PHRF1: variants seen among roughly 807,000 people sequenced by gnomAD.
The protein encoded by PHRF1 is PHD and RING finger domain-containing protein 1.
Under a neutral mutation model 128.9 loss-of-function variants are expected in PHRF1, and 53 were observed. The ratio of observed to expected loss-of-function variants is 0.41; its 90% confidence interval spans 0.33 to 0.52. The LOEUF is 0.52. Among genes scored for constraint, PHRF1 ranks in the 20% least tolerant of loss-of-function variants. The pLI, the probability that PHRF1 is intolerant of heterozygous loss-of-function variation, is 0.21. For synonymous variants in PHRF1, 1,178 were observed against 980.6 expected (o/e 1.20, Z -3.76); for missense variants, 2,503 against 2,284.5 (o/e 1.10, Z -1.95).
rs369472188 is a variant in PHRF1, at chr11:606,415, G to A, written c.1455-27G>A. The stretch of plus-strand genomic sequence containing the variant: ...CCCTCAGGCCGTGGGAGGCAGTGAC[G>A]GCAGGGCCTTGGGTCTGTGCCCACA... On this transcript the variant is annotated intron_variant, in intron 12 of 17. Coordinates refer to ENST00000264555, the MANE Select transcript of PHRF1 (RefSeq NM_001286581.2). 5.8e-5 allele frequency: 89 copies of A among 1,526,064 alleles called. 1 individual carries two copies. The highest frequency in any genetic ancestry group is 2.3e-4 in the Middle Eastern group (1 of 4,348). The allele number at this position is 1,526,064 out of a possible 1,614,324, so 94.5% of individuals were successfully genotyped here.
intron 17 of PHRF1, 122 bp from the exon 18 acceptor site, chr11:611,512 C>T (rs562618156): frequency 2.4e-5 from 33 of 1,385,318 alleles, no homozygotes; most frequent in Middle Eastern, 1.8e-4. Context: ...CGTCTGTCTG[C>T]GTGCTGCACC....
intron 10 of PHRF1, 80 bp from the exon 11 acceptor site, chr11:605,039 G>C (rs370071655): frequency 7.2e-6 from 10 of 1,383,796 alleles, no homozygotes; most frequent in Admixed American, 4.6e-5. Context: ...GCTGATGAAG[G>C]CTTCACGTGG....
Position 598,516 on chromosome 11 carries a change from G to A in PHRF1, c.1024+14G>A. On this transcript the variant is annotated intron_variant, in intron 9 of 17. Coordinates refer to ENST00000264555, the MANE Select transcript of PHRF1 (RefSeq NM_001286581.2). ...AGAGGAAGACAAGTAAGCCTGAAGG[G>A]ATGGACTCTCCCGCCAGCCACAGGC... 1 of 1,603,190 alleles carries A rather than the reference G, an allele frequency of 6.2e-7. No individual in the cohort carries two copies. The highest frequency in any genetic ancestry group is 8.5e-7 in the Non-Finnish European group (1 of 1,177,194).
chr11:597,512 G>A lies in PHRF1; in HGVS notation c.836G>A (p.Ser279Asn). The change falls in exon 8 of 18, where the codon AGT becomes AAT. Residue 279 changes from serine (S) to asparagine (N), a missense_variant. Coordinates refer to ENST00000264555, the MANE Select transcript of PHRF1 (RefSeq NM_001286581.2). This position sits in a 1 kb window ranked among gnomAD's most constrained non-coding sequence, Gnocchi z 6.5. ...RTRAIARTRQ[S>N]ERVRATVNRN... ...CGGGCGATAGCCAGGACACGGCAGA[G>A]TGAGAGAGTGAGAGCAACCGTGAAC... 6.2e-7 allele frequency: 1 copy of A among 1,612,620 alleles called. No homozygotes were observed. The highest frequency in any genetic ancestry group is 8.5e-7 in the Non-Finnish European group (1 of 1,179,586).
intron 13 of PHRF1, 89 bp from the exon 14 acceptor site, chr11:606,977 A>T: frequency 1.3e-6 from 2 of 1,507,982 alleles, no homozygotes; most frequent in Non-Finnish European, 1.8e-6. Context: ...GCACGACCTC[A>T]CAGAAAACCA....
In PHRF1 at chr11:610,749, CAAG is replaced by C. The variant is rs1261007099; in HGVS notation, c.4669_4671del (p.Lys1557del). The C allele has an allele frequency of 4.4e-6, 7 of 1,601,188 alleles. No individual in the cohort carries two copies. Among genetic ancestry groups the C allele is most frequent in the African/African-American group, 1.3e-5 (1 of 74,942 alleles). ...CCCCCAGGCTAGCTGCGGAGAAAAC[CAAG>C]AAGGAGGAGGTGAGTCCTGCCTCCT... is the stretch of plus-strand genomic sequence containing the variant. On this transcript the variant is annotated inframe_deletion, in exon 16 of 18. Coordinates refer to ENST00000264555, the MANE Select transcript of PHRF1 (RefSeq NM_001286581.2).
At chr11:611,214 G>T (rs1056788242) in intron 17 of PHRF1, 132 bp downstream of exon 17, 3 of 1,420,176 alleles carry the variant, frequency 2.1e-6, no homozygotes, top group Admixed American at 2.4e-5. Context: ...GGGGTCAGGG[G>T]GCTGTATTGC....
rs745415934 is a variant in PHRF1, at chr11:606,550, T to G, written c.1563T>G (p.Ser521Arg). Residue 521 changes from serine to arginine, a missense_variant, in exon 13 of 18, where the codon AGT becomes AGG. Physicochemically the swap from Ser to Arg is moderately radical, Grantham distance 110. Transcript: ENST00000264555. Reference protein sequence around the residue: ...SGQSLLMLGSSDVIIHRDGSL... With the variant: ...SGQSLLMLGSRDVIIHRDGSL... ...AGAGCCTCCTGATGCTGGGCAGCAG[T>G]GATGTCATCATCCACCGCGACGGCT... The G allele has an allele frequency of 7.5e-6, 12 of 1,610,004 alleles. No homozygotes were observed. In the African/African-American group the frequency reaches 1.6e-4, roughly 21 times the overall value.
intron 13 of PHRF1, 71 bp from the exon 14 acceptor site, chr11:606,995 T>C: frequency 6.6e-7 from 1 of 1,513,482 alleles, no homozygotes; most frequent in Non-Finnish European, 8.8e-7. Context: ...CCAGTTGTGA[T>C]AAAAATTAAA....
intron 9 of PHRF1, among the ~76,000 whole-genome samples, chr11:598,851 G>A (rs184804132): frequency 2.0e-5 from 3 of 152,214 alleles, no homozygotes; most frequent in Non-Finnish European, 4.4e-5. Context: ...CTGGGCCTGG[G>A]CTTTTCTGTG....
chr11:582,156 C>G, intron 3 of PHRF1, 75 bp downstream of exon 3: 2 of 1,542,500 alleles, frequency 1.3e-6, no homozygotes, highest in African/African-American at 1.4e-5. Context: ...ATAACACATC[C>G]TCCGTGAGAG....
At chr11:609,744 C>A in intron 14 of PHRF1, 24 bp downstream of exon 14, 1 of 1,408,250 alleles carries the variant, frequency 7.1e-7, no homozygotes, top group Non-Finnish European at 9.3e-7. Context: ...CGGCCCCCAC[C>A]GAGGACAGAG....
chr11:609,908 G>A (rs771395001), intron 14 of PHRF1, among the ~76,000 whole-genome samples, 188 bp downstream of exon 14: 8 of 151,964 alleles, frequency 5.3e-5, no homozygotes, highest in Non-Finnish European at 1.0e-4. Context: ...CAAGGACAGG[G>A]CCCCTGAGTG....
At chr11:611,418 C>T (rs981081040) in intron 17 of PHRF1, among the ~76,000 whole-genome samples, 2 of 152,212 alleles carry the variant, frequency 1.3e-5, no homozygotes, top group Admixed American at 6.5e-5. Context: ...CCCCGCCCAC[C>T]GACACCGTGG....
chr11:598,594 T>C, intron 9 of PHRF1, 92 bp downstream of exon 9: 1 of 1,456,798 alleles, frequency 6.9e-7, no homozygotes. Flanking sequence ...TGTGGGCATT[T>C]CCATTTCTTC....
intron 6 of PHRF1, among the ~76,000 whole-genome samples, chr11:593,789 G>A (rs572051910): frequency 6.6e-6 from 1 of 152,192 alleles, no homozygotes; most frequent in African/African-American, 2.4e-5. Context: ...CCTGCCCTCT[G>A]CTCCCAGCAG....
intron 9 of PHRF1, among the ~76,000 whole-genome samples, chr11:600,495 T>TAAATAAATAAATAAGTATAC (rs749599842): frequency 2.6e-5 from 1 of 38,980 alleles, no homozygotes; most frequent in African/African-American, 5.2e-5. Context: ...TCTCCAAAAA[T>TAAATAAATAAATAAGTATAC]ATATATATAT....
At chr11:603,454 G>C (rs1410760786) in intron 10 of PHRF1, among the ~76,000 whole-genome samples, 1 of 151,972 alleles carries the variant, frequency 6.6e-6, no homozygotes, top group Non-Finnish European at 1.5e-5. Flanking sequence ...TCCCACGTCA[G>C]CCTCTCAAGT....
chr11:605,999 C>T (rs111357848), intron 12 of PHRF1, among the ~76,000 whole-genome samples: 4,817 of 152,344 alleles, frequency 0.032, 111 homozygotes, highest in South Asian at 0.089. Context: ...TGAGAGCCAC[C>T]AGCACAGGGA....
Sources: allele counts gnomAD v4.1 joint callset (sites outside exome capture counted in the v4.1 genomes callset), GRCh38; gene constraint gnomAD v4.1.1; non-coding constraint Gnocchi (gnomAD v3.1); transcripts MANE v1.5; gene names NCBI Gene and HGNC (gene_info 2026-07-23, HGNC 2026-07-21).